INF2: variants seen among roughly 807,000 people sequenced by gnomAD.
The protein encoded by INF2 is inverted formin 2.
Under a neutral mutation model 123.5 loss-of-function variants are expected in INF2, and 43 were observed. The observed-to-expected ratio is 0.35, with a 90% confidence interval of 0.27 to 0.45. The LOEUF (loss-of-function observed/expected upper bound fraction) is 0.45, where lower values mean the gene tolerates loss of function less well. INF2 is among the 20% of genes least tolerant of loss of function. The pLI is 1.00. For missense variants in INF2, 1,453 were observed against 1,682.7 expected (o/e 0.86, Z 2.39); for synonymous variants, 851 against 745.0 (o/e 1.14, Z -2.32).
rs963006845 is a variant in INF2 at position 104,711,557 on chromosome 14, G to C, written c.2419-72G>C. Reference sequence around the variant, plus strand: ...TAATTGCTAAGGGTTAGAGCTGGGGGAGTGGGAACAGGGTCATCCCCAGGT... The same window carrying C: ...TAATTGCTAAGGGTTAGAGCTGGGGCAGTGGGAACAGGGTCATCCCCAGGT... On this transcript the variant is annotated intron_variant, in intron 15 of 22. Coordinates refer to ENST00000392634, the MANE Select transcript of INF2 (RefSeq NM_022489.4). 9 of 1,327,304 alleles carry C rather than the reference G, an allele frequency of 6.8e-6. No homozygotes were observed. In the African/African-American group the frequency reaches 1.3e-4, roughly 19 times the overall value. The allele number at this position is 1,327,304 out of a possible 1,614,324, so 82.2% of individuals were successfully genotyped here.
chr14:104,706,559 C>T (rs535354686), intron 6 of INF2, among the ~76,000 whole-genome samples: 3 of 152,288 alleles, frequency 2.0e-5, no homozygotes, highest in Admixed American at 6.5e-5. Flanking sequence ...GCTGAATTCT[C>T]GTCAAGCTCA....
intron 15 of INF2, among the ~76,000 whole-genome samples, chr14:104,711,396 C>G (rs550737943): frequency 6.6e-6 from 1 of 152,136 alleles, no homozygotes; most frequent in Non-Finnish European, 1.5e-5. Flanking sequence ...CTCCCCTGCA[C>G]GAGCCTTGTC....
chr14:104,689,657 G>C lies in INF2; in HGVS notation c.-92G>C. On this transcript the variant is annotated 5_prime_UTR_variant, in exon 1 of 23. Coordinates refer to ENST00000392634, the MANE Select transcript of INF2 (RefSeq NM_022489.4). ...TCCGAGCCTTGCGGAGCGCGGCAGT[G>C]GGCGCCGGCTGCCCGCAGCCCCTGA... The C allele has an allele frequency of 1.0e-6, 1 of 982,548 alleles. No homozygotes were observed. Among genetic ancestry groups the C allele is most frequent in the Non-Finnish European group, 1.2e-6 (1 of 827,904 alleles). The allele number at this position is 982,548 out of a possible 1,614,324, so 60.9% of individuals were successfully genotyped here.
rs140513391 is a variant in INF2 at position 104,719,181 on chromosome 14, A to G, written c.*388A>G. 788 of 259,560 alleles carry G rather than the reference A, an allele frequency of 3.0e-3. 2 individuals are homozygous for G. The highest frequency in any genetic ancestry group is 4.8e-3 in the Non-Finnish European group (665 of 137,130). 16.1% of individuals were successfully genotyped at this position (259,560 alleles called of 1,614,324 possible). On this transcript the variant is annotated 3_prime_UTR_variant, in exon 23 of 23. Coordinates refer to ENST00000392634, the MANE Select transcript of INF2 (RefSeq NM_022489.4). ...GCCCAGCAAGGTTTAATCAAAATGC[A>G]ATGCTTTGCAAGTCTTTACTGCTTG...
intron 16 of INF2, 149 bp from the exon 17 acceptor site, chr14:104,712,284 A>G (rs1890087899): frequency 9.5e-7 from 1 of 1,054,766 alleles, no homozygotes; most frequent in African/African-American, 1.6e-5. Flanking sequence ...TGGAACAGGC[A>G]CTCAACCCCA....
intron 8 of INF2, 76 bp from the exon 9 acceptor site, chr14:104,708,360 G>A: frequency 6.4e-7 from 1 of 1,563,276 alleles, no homozygotes; most frequent in Non-Finnish European, 8.7e-7. Context: ...CCCTCTGGGA[G>A]GCTCCAGCCC....
chr14:104,682,479 G>A (rs374881464), intron 1 of INF2, among the ~76,000 whole-genome samples: 22 of 152,316 alleles, frequency 1.4e-4, no homozygotes, highest in African/African-American at 5.3e-4. Flanking sequence ...GCGGGGCAGG[G>A]CCAGGAGGCG....
Position 104,701,410 on chromosome 14 carries a change from G to A in INF2, c.45G>A (p.Lys15=), listed in dbSNP as rs1321498462. 5 of 1,594,642 alleles carry A rather than the reference G, an allele frequency of 3.1e-6. No homozygotes were observed. The highest frequency in any genetic ancestry group is 4.3e-6 in the Non-Finnish European group (5 of 1,170,358). ...EGAQRKWAAL[K]EKLGPQDSDP... ...CACAGCGCAAGTGGGCAGCGCTGAA[G>A]GAGAAGCTGGGGCCACAGGATTCGG... The change falls in exon 2 of 23, where the codon AAG becomes AAA. Residue 15 remains lysine, a synonymous_variant. Coordinates refer to ENST00000392634, the MANE Select transcript of INF2 (RefSeq NM_022489.4).
At chr14:104,694,684 C>G (rs1889101912) in intron 1 of INF2, among the ~76,000 whole-genome samples, 1 of 152,232 alleles carries the variant, frequency 6.6e-6, no homozygotes, top group African/African-American at 2.4e-5. Flanking sequence ...GTCCCCCACC[C>G]TGGGCCCTGG....
At chr14:104,715,138 T>TGCCATGTGGCTTAGTGGCC in intron 21 of INF2, 146 bp from the exon 22 acceptor site, 1 of 837,010 alleles carries the variant, frequency 1.2e-6, no homozygotes, top group Non-Finnish European at 2.0e-6. Flanking sequence ...GGCAAGTGGC[T>TGCCATGTGGCTTAGTGGCC]GCCATGTGGC....
intron 1 of INF2, among the ~76,000 whole-genome samples, chr14:104,697,460 T>A (rs1889242666): frequency 1.3e-5 from 2 of 152,152 alleles, no homozygotes; most frequent in African/African-American, 4.8e-5. Context: ...CTGGCTCTGG[T>A]TTTCTGTCTG....
In INF2 at chr14:104,699,476, A is replaced by G. The variant is rs984287283; in HGVS notation, c.-9-1881A>G. The stretch of plus-strand genomic sequence containing the variant: ...GGGGACCTGAGGCTGCCTGGGAGGG[A>G]CCCGGCTGTCTCTGGCAGCTCAGCG... On this transcript the variant is annotated intron_variant, in intron 1 of 22. Transcript: ENST00000392634. The surrounding 1 kb of genome is among the most constrained non-coding windows in gnomAD (Gnocchi z 4.7). The G allele has an allele frequency of 1.4e-4, 133 of 984,998 alleles. 1 individual carries two copies. The highest frequency in any genetic ancestry group is 1.5e-4 in the Non-Finnish European group (128 of 829,852). The allele number at this position is 984,998 out of a possible 1,614,324, so 61.0% of individuals were successfully genotyped here. A position where few individuals can be genotyped will look rare whatever the true frequency, so the allele number is the denominator to read the frequency against.
At position 104,709,371 on chromosome 14, in the gene INF2, C is replaced by T. The variant is rs373736329; in HGVS notation, c.2040C>T (p.Pro680=). The T allele has an allele frequency of 8.6e-5, 138 of 1,612,364 alleles. No individual in the cohort carries two copies. Among genetic ancestry groups the T allele is most frequent in the Non-Finnish European group, 1.1e-4 (135 of 1,179,410 alleles). ...TCAAACAACTCCTTAAGCTCCTTCCCGAGAAGCACGAGGTAAGAGGACCAC... is the reference window on the plus strand; with the variant it reads ...TCAAACAACTCCTTAAGCTCCTTCCTGAGAAGCACGAGGTAAGAGGACCAC... ...EVLKQLLKLL[P]EKHEIENLRA... The change falls in exon 11 of 23, where the codon CCC becomes CCT. Residue 680 remains proline, a synonymous_variant. Coordinates refer to ENST00000392634, the MANE Select transcript of INF2 (RefSeq NM_022489.4).
chr14:104,709,166 T>A (rs1246849695), intron 10 of INF2, 115 bp from the exon 11 acceptor site: 1 of 765,252 alleles, frequency 1.3e-6, no homozygotes, highest in African/African-American at 1.7e-5. Context: ...GTGTCCCCCC[T>A]GCCCTGGCCA....
intron 20 of INF2, 101 bp from the exon 21 acceptor site, chr14:104,714,102 T>C (rs1406461134): frequency 1.9e-6 from 2 of 1,073,410 alleles, no homozygotes; most frequent in Admixed American, 2.9e-5. Flanking sequence ...GGGGAGGAGG[T>C]TTTGCAGGGC....
Position 104,713,458 on chromosome 14 carries a change from C to T in INF2, c.2892C>T (p.Pro964=), listed in dbSNP as rs772442590. The T allele has an allele frequency of 8.1e-6, 13 of 1,610,644 alleles. No individual in the cohort carries two copies. The highest frequency in any genetic ancestry group is 5.5e-5 in the South Asian group (5 of 90,526). The change falls in exon 20 of 23, where the codon CCC becomes CCT. Residue 964 remains proline (P), a synonymous_variant. Coordinates refer to ENST00000392634, the MANE Select transcript of INF2 (RefSeq NM_022489.4). ...GEDGKPVRKG[P]GKQEEVCVID... is the part of the protein sequence containing the mutation. ...CACGCTCCTCAGTCAGGAAGGGGCC[C>T]GGGAAGCAGGAGGAGGTGTGTGTCA...
chr14:104,712,990 A>C lies in INF2; in HGVS notation c.2773A>C (p.Lys925Gln). The change falls in exon 18 of 23, where the codon AAG (lysine) becomes CAG (glutamine). Residue 925 changes from lysine (K) to glutamine (Q), a missense_variant and splice_region_variant. This residue lies in a region of INF2 where 212 missense variants were observed against 266.2 expected (regional missense o/e 0.80). Coordinates refer to ENST00000392634, the MANE Select transcript of INF2 (RefSeq NM_022489.4). ...CCGGGACCTTTTCCTCCGCGCCCTG[A>C]AGGTGGGGCAGCCCGGCGGGACACA... Reference protein sequence around the residue: ...AFRDLFLRALKENKDRKEQAA... With the variant: ...AFRDLFLRALQENKDRKEQAA... The C allele has an allele frequency of 2.5e-6, 4 of 1,612,342 alleles. No individual in the cohort carries two copies. Among genetic ancestry groups the C allele is most frequent in the Non-Finnish European group, 3.4e-6 (4 of 1,179,768 alleles).
intron 13 of INF2, 177 bp from the exon 14 acceptor site, chr14:104,710,760 C>T (rs556947168): frequency 2.1e-5 from 13 of 610,238 alleles, no homozygotes; most frequent in Admixed American, 5.7e-5. Flanking sequence ...TGTCCACTCC[C>T]GTCGGTGGAG....
intron 2 of INF2, 114 bp downstream of exon 2, chr14:104,701,870 G>T: frequency 1.6e-6 from 2 of 1,218,284 alleles, no homozygotes; most frequent in Non-Finnish European, 2.2e-6. Flanking sequence ...GCGCAGCCAG[G>T]CAGGCAAGGA....
Sources: gnomAD v4.1 joint callset for allele counts (sites outside exome capture counted in the v4.1 genomes callset) on GRCh38, gnomAD v4.1.1 for gene constraint, gnomAD v4.1.1 regional missense constraint, Gnocchi (gnomAD v3.1) non-coding constraint, MANE v1.5 for transcripts, NCBI Gene and HGNC (gene_info 2026-07-23, HGNC 2026-07-21) for gene names.